Variants in TBC1D9 observed in about 807,000 individuals in gnomAD.
The protein encoded by TBC1D9 is TBC1 domain family member 9, also known as TBC1 domain family member 9A.
TBC1D9 carries 63 observed loss-of-function variants against 132.0 expected under a neutral mutation model. The observed-to-expected ratio is 0.48, with a 90% CI of 0.39 to 0.59. TBC1D9 has a LOEUF of 0.59. TBC1D9 is among the 20% of genes least tolerant of loss of function. The pLI is 0.00. For synonymous variants in TBC1D9, 610 were observed against 609.9 expected, an observed-to-expected ratio of 1.00 and a Z score of 0.00; for missense variants, 1,261 against 1,592.7, an observed-to-expected ratio of 0.79 and a Z score of 3.54.
At chr4:140,720,097 G>A (rs574165105) in intron 1 of TBC1D9, among the ~76,000 whole-genome samples, 1 of 152,328 alleles carries the variant, frequency 6.6e-6, no homozygotes, top group Non-Finnish European at 1.5e-5. Flanking sequence ...CACTTGGTAG[G>A]TGTTCAATAA....
At chr4:140,688,414 C>T (rs11733617) in intron 2 of TBC1D9, among the ~76,000 whole-genome samples, 25,989 of 152,086 alleles carry the variant, frequency 0.17, 2,803 homozygotes, top group Non-Finnish European at 0.24. Context: ...TCCTCTAATC[C>T]CAGTGCTTTC....
chr4:140,742,247 T>C lies in TBC1D9; in HGVS notation c.130+13669A>G, dbSNP rs191006359. On this transcript the variant is annotated intron_variant, in intron 1 of 20. Transcript: ENST00000442267. ...GGCAATTGCAGAACACCTTAAAAAA[T>C]GACTCGCCGGGCACAGTGGCTCACA... Among the ~76,000 whole-genome samples the C allele has an allele frequency of 4.6e-3, 700 of 152,094 alleles. 5 individuals carry two copies. Among genetic ancestry groups the C allele is most frequent in the African/African-American group, 0.016 (657 of 41,492 alleles).
chr4:140,743,027 G>A (rs1029518230), intron 1 of TBC1D9, among the ~76,000 whole-genome samples: 3 of 151,840 alleles, frequency 2.0e-5, no homozygotes, highest in Admixed American at 6.6e-5. Flanking sequence ...GATGGAGGGA[G>A]GGAGGAAGGA....
chr4:140,704,513 C>G (rs111506942), intron 1 of TBC1D9, among the ~76,000 whole-genome samples: 4,022 of 151,140 alleles, frequency 0.027, 73 homozygotes, highest in Non-Finnish European at 0.045. Context: ...CATCAAAGAC[C>G]AAGACTCTTC....
intron 7 of TBC1D9, 162 bp downstream of exon 7, chr4:140,670,558 C>A: frequency 3.3e-6 from 2 of 608,700 alleles, no homozygotes; most frequent in South Asian, 2.1e-5. Context: ...AATCTATGAC[C>A]CCAAATACAA....
chr4:140,662,453 C>T (rs1737377277), intron 9 of TBC1D9, among the ~76,000 whole-genome samples: 1 of 152,198 alleles, frequency 6.6e-6, no homozygotes, highest in Non-Finnish European at 1.5e-5. Context: ...CAGGCTGAGG[C>T]TTCACCTTCT....
intron 6 of TBC1D9, among the ~76,000 whole-genome samples, chr4:140,674,923 G>C (rs775071407): frequency 1.3e-5 from 2 of 151,890 alleles, no homozygotes; most frequent in Non-Finnish European, 2.9e-5. Flanking sequence ...GCCTAGGCTG[G>C]TCTTTGAACT....
intron 1 of TBC1D9, among the ~76,000 whole-genome samples, chr4:140,718,574 G>A (rs1226326312): frequency 6.6e-6 from 1 of 152,180 alleles, no homozygotes; most frequent in African/African-American, 2.4e-5. Flanking sequence ...CAAGCCACAT[G>A]ATTAGGAAAT....
rs1359345116 is a variant in TBC1D9, at chr4:140,670,863, G to A, written c.1123C>T (p.Arg375Ter). 7 of 1,613,964 alleles carry A rather than the reference G, an allele frequency of 4.3e-6. No homozygotes were observed. The highest frequency in any genetic ancestry group is 5.9e-6 in the Non-Finnish European group (7 of 1,179,880). Residue 375 changes from arginine to a stop codon, truncating the protein, a stop_gained, in exon 7 of 21, where the codon CGA becomes TGA. Coordinates refer to ENST00000442267, the MANE Select transcript of TBC1D9 (RefSeq NM_015130.3). LOFTEE classifies it high-confidence loss of function. ...VLPSPLSIST[R>*]NRMTFLFANL... ...GCAAATAGGAAGGTCATCCTGTTTCGGGTGCTGATGGATAAGGGACTGGGG... is the reference window on the plus strand; with the variant it reads ...GCAAATAGGAAGGTCATCCTGTTTCAGGTGCTGATGGATAAGGGACTGGGG...
At position 140,690,672 on chromosome 4, in the gene TBC1D9, A is replaced by G. The variant is rs117508439; in HGVS notation, c.242-4210T>C. ...CTTTGGGGCTGCTTCGGTACTGCCA[A>G]AAGGGGTTTTGGAAGTTTCTTCTGG... is the stretch of plus-strand genomic sequence containing the variant. On this transcript the variant is annotated intron_variant, in intron 2 of 20. Transcript: ENST00000442267. 1.1e-3 allele frequency among the ~76,000 whole-genome samples: 170 copies of G among 152,210 alleles called. 6 individuals are homozygous for G. The East Asian group carries it at 0.02, about 18-fold the overall frequency.
At chr4:140,660,483 G>T (rs1737339870) in intron 10 of TBC1D9, among the ~76,000 whole-genome samples, 1 of 152,176 alleles carries the variant, frequency 6.6e-6, no homozygotes, top group African/African-American at 2.4e-5. Context: ...GGTTTAATAG[G>T]CTCTTTCTTG....
intron 15 of TBC1D9, among the ~76,000 whole-genome samples, chr4:140,636,289 C>A (rs1736878545): frequency 6.6e-6 from 1 of 152,184 alleles, no homozygotes; most frequent in Admixed American, 6.5e-5. Context: ...ATTCTTTAAC[C>A]TTTTCTCCTC....
chr4:140,670,774 G>A lies in TBC1D9; in HGVS notation c.1212C>T (p.Ser404=), dbSNP rs775384608. 32 of 1,613,836 alleles carry A rather than the reference G, an allele frequency of 2.0e-5. No individual in the cohort carries two copies. Among genetic ancestry groups the A allele is most frequent in the Admixed American group, 6.7e-5 (4 of 59,996 alleles). Residue 404 remains serine (S), a synonymous_variant, in exon 7 of 21, where the codon TCC becomes TCT. Coordinates refer to ENST00000442267, the MANE Select transcript of TBC1D9 (RefSeq NM_015130.3). The part of the protein sequence containing the change: ...RISDFLQQTT[S]KIYSDKEFAG... The stretch of plus-strand genomic sequence containing the variant: ...CAAACTCCTTGTCAGAATATATTTT[G>A]GAAGTAGTCTGTTGCAGGAAATCTG...
At chr4:140,653,195 C>T (rs1043500283) in intron 13 of TBC1D9, among the ~76,000 whole-genome samples, 5 of 152,116 alleles carry the variant, frequency 3.3e-5, no homozygotes, top group African/African-American at 4.8e-5. Context: ...ATTTATGAAG[C>T]GAAGTTATCA....
At chr4:140,622,956 G>C in intron 20 of TBC1D9, 39 bp from the exon 21 acceptor site, 1 of 1,472,444 alleles carries the variant, frequency 6.8e-7, no homozygotes, top group Non-Finnish European at 9.0e-7. Context: ...TGAAATCTTG[G>C]GGGAGCAGAA....
chr4:140,636,522 A>G (rs1429225353), intron 15 of TBC1D9, among the ~76,000 whole-genome samples: 1 of 152,236 alleles, frequency 6.6e-6, no homozygotes, highest in East Asian at 1.9e-4. Context: ...CCTCTGGGCT[A>G]CAAATATATG....
intron 1 of TBC1D9, among the ~76,000 whole-genome samples, chr4:140,736,378 T>C (rs1156854838): frequency 1.3e-5 from 2 of 151,890 alleles, no homozygotes; most frequent in East Asian, 3.9e-4. Context: ...CCATCTCTAC[T>C]AAAAATACAA....
At chr4:140,641,322 A>T (rs1736990806) in intron 13 of TBC1D9, among the ~76,000 whole-genome samples, 1 of 152,162 alleles carries the variant, frequency 6.6e-6, no homozygotes, top group Non-Finnish European at 1.5e-5. Context: ...ATTAAAACAG[A>T]GGCTTTAAAA....
At chr4:140,681,161 C>T (rs1737697264) in intron 3 of TBC1D9, among the ~76,000 whole-genome samples, 1 of 152,098 alleles carries the variant, frequency 6.6e-6, no homozygotes, top group African/African-American at 2.4e-5. Flanking sequence ...GCCTGAGGCA[C>T]CCTTGGGGCC....
Sources: allele counts gnomAD v4.1 joint callset (sites outside exome capture counted in the v4.1 genomes callset), GRCh38; gene constraint gnomAD v4.1.1; transcripts MANE v1.5; gene names NCBI Gene and HGNC (gene_info 2026-07-23, HGNC 2026-07-21).